The following NFIL3 variants were observed in gnomAD, a reference collection of about 807,000 sequenced individuals.
The protein encoded by NFIL3 is nuclear factor interleukin-3-regulated protein.
In NFIL3, 5 loss-of-function variants were observed where a neutral mutation model predicts 10.0. That is an observed-to-expected ratio of 0.50 (90% CI 0.26 to 1.06). The LOEUF is 1.06. Among genes scored for constraint, NFIL3 ranks in the 50% least tolerant of loss-of-function variants. The pLI is 0.13. For missense variants in NFIL3, 436 were observed against 547.6 expected, an observed-to-expected ratio of 0.80 and a Z score of 2.03; for synonymous variants, 202 against 206.5, an observed-to-expected ratio of 0.98 and a Z score of 0.19.
chr9:91,463,479 A>G, the NFIL3 span, among the ~76,000 whole-genome samples: 1 of 152,182 alleles, frequency 6.6e-6, no homozygotes, highest in Non-Finnish European at 1.5e-5. Context: ...TGTAATATAT[A>G]GAAGAATGTT....
chr9:91,411,733 A>T (rs1294547420), intron 1 of NFIL3, among the ~76,000 whole-genome samples: 1 of 152,212 alleles, frequency 6.6e-6, no homozygotes, highest in African/African-American at 2.4e-5. Flanking sequence ...TGAAGTATCC[A>T]AAATGCTTTT....
At position 91,419,753 on chromosome 9, in the gene NFIL3, T is replaced by C. The variant is rs377422095; in HGVS notation, c.-173+3887A>G. On this transcript the variant is annotated intron_variant, in intron 1 of 1. Coordinates refer to ENST00000297689, the MANE Select transcript of NFIL3 (RefSeq NM_005384.3). ...TATCTCTTTTCTGAAGAATGATCAG[T>C]ATCAAAAGGCAACGATGCCTATCAG... 3.3e-5 allele frequency among the ~76,000 whole-genome samples: 5 copies of C among 152,358 alleles called. No homozygotes were observed. The East Asian group carries it at 9.6e-4, about 29-fold the overall frequency.
intron 1 of NFIL3, among the ~76,000 whole-genome samples, chr9:91,422,241 G>T (rs560964999): frequency 6.6e-6 from 1 of 152,286 alleles, no homozygotes; most frequent in South Asian, 2.1e-4. Context: ...AAAGGTCTCC[G>T]AAGGCGTGGA....
the NFIL3 span, among the ~76,000 whole-genome samples, chr9:91,470,746 C>T: frequency 4.9e-4 from 74 of 152,278 alleles, no homozygotes; most frequent in African/African-American, 1.7e-3. Flanking sequence ...TTTCAAAGAA[C>T]ATCTTTATAT....
chr9:91,416,439 T>G (rs1022462366), intron 1 of NFIL3, among the ~76,000 whole-genome samples: 1 of 152,234 alleles, frequency 6.6e-6, no homozygotes, highest in African/African-American at 2.4e-5. Context: ...ATATTTTCCC[T>G]TATGATTAAT....
At chr9:91,437,289 G>A in the NFIL3 span, among the ~76,000 whole-genome samples, 1 of 152,162 alleles carries the variant, frequency 6.6e-6, no homozygotes, top group South Asian at 2.1e-4. Context: ...TAAAGTGCAC[G>A]ATTCAATGGT....
intron 1 of NFIL3, among the ~76,000 whole-genome samples, chr9:91,420,430 T>C (rs1833741372): frequency 6.6e-6 from 1 of 150,974 alleles, no homozygotes; most frequent in African/African-American, 2.4e-5. Context: ...AAACATTTAT[T>C]GAACTCCTCA....
At chr9:91,469,002 T>A in the NFIL3 span, among the ~76,000 whole-genome samples, 3 of 152,162 alleles carry the variant, frequency 2.0e-5, no homozygotes, top group Non-Finnish European at 4.4e-5. Flanking sequence ...CTTAGGATTG[T>A]CTTGGCAATG....
chr9:91,413,401 A>C (rs1257261741), intron 1 of NFIL3, among the ~76,000 whole-genome samples: 1 of 151,962 alleles, frequency 6.6e-6, no homozygotes, highest in African/African-American at 2.4e-5. Flanking sequence ...GTTACGCGCC[A>C]CCACGCCCAG....
the NFIL3 span, among the ~76,000 whole-genome samples, chr9:91,466,755 C>A: frequency 7.9e-5 from 12 of 152,050 alleles, no homozygotes; most frequent in South Asian, 4.1e-4. Context: ...TGAGAATAAA[C>A]ATGGTTTAAA....
the NFIL3 span, among the ~76,000 whole-genome samples, chr9:91,460,145 GA>G: frequency 6.6e-6 from 1 of 152,032 alleles, no homozygotes; most frequent in Non-Finnish European, 1.5e-5. Context: ...AGTCAGAGGA[GA>G]AGGCTGTGCA....
chr9:91,442,096 A>G, the NFIL3 span, among the ~76,000 whole-genome samples: 7 of 152,136 alleles, frequency 4.6e-5, no homozygotes, highest in South Asian at 4.1e-4. Context: ...CTGCTTGAAG[A>G]ACTCCTTTAA....
At chr9:91,416,961 T>C (rs1833669415) in intron 1 of NFIL3, among the ~76,000 whole-genome samples, 1 of 152,194 alleles carries the variant, frequency 6.6e-6, no homozygotes, top group South Asian at 2.1e-4. Flanking sequence ...GACCTTTATC[T>C]TCCCTGGTCT....
the NFIL3 span, among the ~76,000 whole-genome samples, chr9:91,431,346 C>T: frequency 6.6e-6 from 1 of 152,144 alleles, no homozygotes; most frequent in African/African-American, 2.4e-5. Context: ...ATCTGAGAAA[C>T]AGCACAATAG....
chr9:91,420,742 C>T (rs1431234615), intron 1 of NFIL3, among the ~76,000 whole-genome samples: 2 of 152,142 alleles, frequency 1.3e-5, no homozygotes, highest in African/African-American at 4.8e-5. Flanking sequence ...GTGATGTCTC[C>T]ATGAATTACT....
chr9:91,410,008 T>C lies in NFIL3; in HGVS notation c.727A>G (p.Ile243Val). 6.2e-7 allele frequency: 1 copy of C among 1,613,038 alleles called. No homozygotes were observed. The highest frequency in any genetic ancestry group is 8.5e-7 in the Non-Finnish European group (1 of 1,180,000). Residue 243 changes from isoleucine (I) to valine (V), a missense_variant, in exon 2 of 2, where the codon ATC becomes GTC. Around this residue, in one of 3 missense-constraint regions of NFIL3, gnomAD observed 338 missense variants for 399.9 expected, o/e 0.85. Coordinates refer to ENST00000297689, the MANE Select transcript of NFIL3 (RefSeq NM_005384.3). This position sits in a 1 kb window ranked among gnomAD's most constrained non-coding sequence, Gnocchi z 5.7. ...RDDRGSYTAS[I>V]YQNYMGNSFS... ...GAATTCCCCATATAGTTTTGATAGA[T>C]GGACGCTGTGTAAGAGCCTCGGTCA...
chr9:91,409,571 A>G lies in NFIL3; in HGVS notation c.1164T>C (p.Ile388=). ...LTPFSVQVTN[I]QDWSLKSEHW... ...GCTCCGATTTGAGAGACCAATCTTG[A>G]ATGTTAGTCACTTGCACTGAGAAAG... The change falls in exon 2 of 2, where the codon ATT becomes ATC. Residue 388 remains isoleucine (I), a synonymous_variant. Coordinates refer to ENST00000297689, the MANE Select transcript of NFIL3 (RefSeq NM_005384.3). 1 of 1,614,150 alleles carries G rather than the reference A, an allele frequency of 6.2e-7. No individual in the cohort carries two copies. Among genetic ancestry groups the G allele is most frequent in the South Asian group, 1.1e-5 (1 of 91,068 alleles).
chr9:91,416,759 AAGCAAGAATTATAT>A (rs1221398139), intron 1 of NFIL3, among the ~76,000 whole-genome samples: 8 of 152,348 alleles, frequency 5.3e-5, no homozygotes, highest in South Asian at 2.1e-4. Flanking sequence ...CTACTTCTCT[AAGCAAGAATTATAT>A]AGCAAGAATT....
chr9:91,461,606 G>A, the NFIL3 span, among the ~76,000 whole-genome samples: 2 of 152,178 alleles, frequency 1.3e-5, no homozygotes, highest in African/African-American at 4.8e-5. Flanking sequence ...ATGGCTTCAG[G>A]TGTTTCTTGG....
Sources: allele counts gnomAD v4.1 joint callset (sites outside exome capture counted in the v4.1 genomes callset), GRCh38; gene constraint gnomAD v4.1.1; regional missense constraint gnomAD v4.1.1; non-coding constraint Gnocchi (gnomAD v3.1); transcripts MANE v1.5; gene names NCBI Gene and HGNC (gene_info 2026-07-23, HGNC 2026-07-21).